The following ECM2 variants were observed in gnomAD, a reference collection of about 807,000 sequenced individuals.
ECM2 encodes extracellular matrix protein 2, female organ and adipocyte specific.
ECM2 carries 57 observed loss-of-function variants against 67.5 expected under a neutral mutation model. The observed-to-expected ratio is 0.84, with a 90% CI of 0.68 to 1.05. The LOEUF is 1.05. ECM2 is among the 50% of genes least tolerant of loss of function. The pLI is 0.00. For synonymous variants in ECM2, 258 were observed against 294.5 expected (o/e 0.88, Z 1.27); for missense variants, 741 against 822.8 (o/e 0.90, Z 1.22).
At chr9:92,556,579 A>G in the ECM2 span, among the ~76,000 whole-genome samples, 2 of 152,226 alleles carry the variant, frequency 1.3e-5, no homozygotes, top group East Asian at 3.8e-4. Context: ...TTTTACCATT[A>G]TATAATGTCC....
chr9:92,528,510 A>G (rs1385605737), intron 1 of ECM2, among the ~76,000 whole-genome samples: 4 of 151,836 alleles, frequency 2.6e-5, no homozygotes, highest in African/African-American at 9.7e-5. Context: ...AATACTTGAG[A>G]CTGGGAAAAG....
chr9:92,504,167 C>T (rs1276785926), intron 7 of ECM2, among the ~76,000 whole-genome samples: 1 of 151,978 alleles, frequency 6.6e-6, no homozygotes, highest in African/African-American at 2.4e-5. Flanking sequence ...TCATTTCTGG[C>T]CCTGTCCCAC....
At chr9:92,497,793 C>T (rs1017757694) in intron 9 of ECM2, among the ~76,000 whole-genome samples, 2 of 150,100 alleles carry the variant, frequency 1.3e-5, no homozygotes, top group African/African-American at 4.9e-5. Context: ...GCAAGTCACT[C>T]ATGAATAGAT....
intron 2 of ECM2, among the ~76,000 whole-genome samples, chr9:92,518,760 A>T (rs893335991): frequency 1.3e-5 from 2 of 152,144 alleles, no homozygotes; most frequent in Non-Finnish European, 2.9e-5. Context: ...ATGGTGGCAC[A>T]TGCCTGAAGT....
chr9:92,552,865 T>C, the ECM2 span, among the ~76,000 whole-genome samples: 1 of 152,166 alleles, frequency 6.6e-6, no homozygotes, highest in East Asian at 1.9e-4. Context: ...TTGATCTTTG[T>C]TTTTATTGCA....
At chr9:92,521,661 G>A (rs943111927) in intron 2 of ECM2, among the ~76,000 whole-genome samples, 4 of 151,994 alleles carry the variant, frequency 2.6e-5, no homozygotes, top group Admixed American at 6.6e-5. Context: ...CATTTAATAC[G>A]TTTTTAAAAA....
At chr9:92,550,993 G>A in the ECM2 span, among the ~76,000 whole-genome samples, 1 of 152,170 alleles carries the variant, frequency 6.6e-6, no homozygotes, top group Admixed American at 6.5e-5. Flanking sequence ...AGTGTGGTCT[G>A]TCTTCAGGGT....
At chr9:92,551,146 G>A in the ECM2 span, among the ~76,000 whole-genome samples, 1 of 152,140 alleles carries the variant, frequency 6.6e-6, no homozygotes, top group African/African-American at 2.4e-5. Flanking sequence ...TGGCCAAGCG[G>A]AGCCCATGTC....
intron 1 of ECM2, among the ~76,000 whole-genome samples, chr9:92,523,952 C>T (rs1848231733): frequency 6.6e-6 from 1 of 152,168 alleles, no homozygotes; most frequent in Admixed American, 6.5e-5. Context: ...AAGCCTTTTC[C>T]CCAACAACAA....
chr9:92,493,783 C>T (rs1846236354), downstream of ECM2: 2 of 200,484 alleles, frequency 1.0e-5, no homozygotes, highest in Non-Finnish European at 2.0e-5. Flanking sequence ...ATTATAAAAT[C>T]AGTAGAAATA....
chr9:92,505,552 C>T lies in ECM2; in HGVS notation c.1445G>A (p.Gly482Asp). The T allele has an allele frequency of 6.2e-7, 1 of 1,601,252 alleles. No individual in the cohort carries two copies. Among genetic ancestry groups the T allele is most frequent in the Non-Finnish European group, 8.5e-7 (1 of 1,176,932 alleles). Residue 482 changes from glycine to aspartate, a missense_variant, in exon 7 of 10, where the codon GGT (glycine) becomes GAT (aspartate). By Grantham distance (94) the Gly-to-Asp change is moderately conservative. Transcript: ENST00000344604. ...TGTTACCTCAATAGAACCAGGAAGACCCTGCGGTATAATTCTAAATTTATT... is the reference window on the plus strand; with the variant it reads ...TGTTACCTCAATAGAACCAGGAAGATCCTGCGGTATAATTCTAAATTTATT... ...GKNKFRIIPQ[G>D]LPGSIEELYL...
chr9:92,502,505 G>GT lies in ECM2; in HGVS notation c.1604+7dup. 1 of 1,611,436 alleles carries GT rather than the reference G, an allele frequency of 6.2e-7. No individual in the cohort carries two copies. Among genetic ancestry groups the GT allele is most frequent in the Non-Finnish European group, 8.5e-7 (1 of 1,178,648 alleles). On this transcript the variant is annotated splice_region_variant and intron_variant, in intron 8 of 9. Coordinates refer to ENST00000344604, the MANE Select transcript of ECM2 (RefSeq NM_001393.4). ...TTCAATAAAATTTAAATTGTAGCAT[G>GT]TACTTACTCTTGATTTATCCAGGCT...
the ECM2 span, among the ~76,000 whole-genome samples, chr9:92,552,194 C>T: frequency 0.011 from 1,594 of 140,754 alleles, 89 homozygotes; most frequent in African/African-American, 0.038. Flanking sequence ...ATCATATACA[C>T]ACACACACAC....
intron 3 of ECM2, 77 bp downstream of exon 3, chr9:92,517,610 C>G: frequency 1.3e-6 from 2 of 1,575,248 alleles, no homozygotes; most frequent in Non-Finnish European, 1.7e-6. Context: ...TAATTTTAAT[C>G]TAAAATTAGT....
At position 92,517,793 on chromosome 9, in the gene ECM2, G is replaced by A; in HGVS notation, c.375C>T (p.Leu125=). 1.9e-6 allele frequency: 3 copies of A among 1,614,242 alleles called. No homozygotes were observed. The South Asian group carries it at 3.3e-5, about 18-fold the overall frequency. The change falls in exon 3 of 10, where the codon CTC becomes CTT. Residue 125 remains leucine (L), a synonymous_variant. Transcript: ENST00000344604. ...CACAAAGAACTCTTCCATCTGAGCA[G>A]AGGCAGGTAGTGCAGGGCTCAGGCG... is the stretch of plus-strand genomic sequence containing the variant. The part of the protein sequence containing the change: ...VWSPEPCTTC[L]CSDGRVLCDE...
chr9:92,529,228 T>C (rs1270844590), intron 1 of ECM2, among the ~76,000 whole-genome samples: 5 of 152,238 alleles, frequency 3.3e-5, no homozygotes, highest in Admixed American at 3.3e-4. Context: ...GTTTCAAAAA[T>C]AGTAGACAGA....
chr9:92,552,080 C>CATATATGTGATATGATAGATCTATCAT, the ECM2 span, among the ~76,000 whole-genome samples: 8 of 74,664 alleles, frequency 1.1e-4, no homozygotes, highest in African/African-American at 4.0e-4. Context: ...ATAGATCTAT[C>CATATATGTGATATGATAGATCTATCAT]ATATATGTGA....
chr9:92,496,560 TA>T, intron 9 of ECM2, 77 bp from the exon 10 acceptor site: 14 of 1,535,370 alleles, frequency 9.1e-6, no homozygotes, highest in East Asian at 2.3e-5. Flanking sequence ...TAACATTTGT[TA>T]AAAAAATTTT....
rs868256119 is a variant in ECM2, at chr9:92,504,921, G to A, written c.1464+612C>T. Among the ~76,000 whole-genome samples, 3 of 152,318 alleles carry A rather than the reference G, an allele frequency of 2.0e-5. 1 individual carries two copies. In the South Asian group the frequency reaches 6.2e-4, roughly 32 times the overall value. ...CCAGGAGCACATCCTGCAGCAAGGA[G>A]ACCACACATCTGGGGACCTGTGGGG... On this transcript the variant is annotated intron_variant, in intron 7 of 9. Coordinates refer to ENST00000344604, the MANE Select transcript of ECM2 (RefSeq NM_001393.4).
Sources: allele counts gnomAD v4.1 joint callset (sites outside exome capture counted in the v4.1 genomes callset), GRCh38; gene constraint gnomAD v4.1.1; transcripts MANE v1.5; gene names NCBI Gene and HGNC (gene_info 2026-07-23, HGNC 2026-07-21).